RGS6: variants seen among roughly 807,000 people sequenced by gnomAD.
RGS6 encodes regulator of G protein signaling 6.
Under a neutral mutation model 78.5 loss-of-function variants are expected in RGS6, and 30 were observed. That is an observed-to-expected ratio of 0.38 (90% CI 0.29 to 0.52). RGS6 has a LOEUF of 0.52. Among genes scored for constraint, RGS6 ranks in the 20% least tolerant of loss-of-function variants. The pLI, the probability that RGS6 is intolerant of heterozygous loss-of-function variation, is 0.85. For missense variants in RGS6, 495 were observed against 609.7 expected (o/e 0.81, Z 1.98); for synonymous variants, 206 against 206.0 (o/e 1.00, Z 0.00).
intron 2 of RGS6, among the ~76,000 whole-genome samples, chr14:72,324,065 T>C (rs1291468162): frequency 6.6e-6 from 1 of 152,110 alleles, no homozygotes; most frequent in Non-Finnish European, 1.5e-5. Flanking sequence ...TCTCTCGTTA[T>C]TCTAAAATGT....
chr14:72,273,958 A>G (rs1210117172), intron 2 of RGS6, among the ~76,000 whole-genome samples: 1 of 152,210 alleles, frequency 6.6e-6, no homozygotes, highest in African/African-American at 2.4e-5. Context: ...TCAGGTGTGT[A>G]GAGTGATTTA....
At chr14:72,180,755 A>C (rs1201267497) in intron 2 of RGS6, among the ~76,000 whole-genome samples, 3 of 152,294 alleles carry the variant, frequency 2.0e-5, no homozygotes, top group African/African-American at 7.2e-5. Context: ...TGCTGTTATC[A>C]TGGGAATGAG....
intron 15 of RGS6, among the ~76,000 whole-genome samples, chr14:72,529,655 C>CT (rs1388240648): frequency 6.6e-6 from 1 of 151,914 alleles, no homozygotes; most frequent in African/African-American, 2.4e-5. Context: ...CAGACCCCCC[C>CT]CTCCCTGCAA....
intron 13 of RGS6, among the ~76,000 whole-genome samples, chr14:72,503,178 T>G (rs898658972): frequency 2.0e-5 from 3 of 152,086 alleles, no homozygotes; most frequent in Admixed American, 6.5e-5. Context: ...ATAAGGACAC[T>G]AATCCCACTC....
At chr14:71,976,822 C>T (rs1340283934) in intron 2 of RGS6, among the ~76,000 whole-genome samples, 2 of 149,598 alleles carry the variant, frequency 1.3e-5, no homozygotes, top group East Asian at 2.0e-4. Flanking sequence ...TTCTAGATCC[C>T]TGAGGAATCA....
At chr14:72,077,456 C>A (rs1177379047) in intron 2 of RGS6, among the ~76,000 whole-genome samples, 5 of 151,918 alleles carry the variant, frequency 3.3e-5, no homozygotes. Flanking sequence ...ATCTTTCAGT[C>A]CTTTTCTATA....
the RGS6 span, among the ~76,000 whole-genome samples, chr14:71,876,143 T>C: frequency 0.075 from 11,485 of 152,228 alleles, 897 homozygotes; most frequent in East Asian, 0.21. Flanking sequence ...TGGAGAGTTC[T>C]GTAGATGTCT....
At chr14:72,536,888 C>T (rs2097258160) in intron 16 of RGS6, among the ~76,000 whole-genome samples, 1 of 152,170 alleles carries the variant, frequency 6.6e-6, no homozygotes, top group African/African-American at 2.4e-5. Context: ...TCCTCCTCCT[C>T]CTTAGAACTC....
At chr14:72,345,451 A>G (rs1306475939) in intron 2 of RGS6, among the ~76,000 whole-genome samples, 1 of 152,228 alleles carries the variant, frequency 6.6e-6, no homozygotes, top group African/African-American at 2.4e-5. Context: ...TGTCATAGTT[A>G]GCGGGTGGAA....
rs186466324 is a variant in RGS6 at position 72,237,510 on chromosome 14, G to A, written c.85-114585G>A. Among the ~76,000 whole-genome samples, 474 of 152,194 alleles carry A rather than the reference G, an allele frequency of 3.1e-3. 2 individuals carry two copies. Among genetic ancestry groups the A allele is most frequent in the African/African-American group, 0.011 (457 of 41,516 alleles). On this transcript the variant is annotated intron_variant, in intron 2 of 17. Transcript: ENST00000553525. ...CCTCATCTGTTCTCAGATGAGCTTC[G>A]TAACTACCTGCTGAAGAGGCAGAGG...
At chr14:72,296,461 A>T (rs2152371415) in intron 2 of RGS6, among the ~76,000 whole-genome samples, 1 of 152,332 alleles carries the variant, frequency 6.6e-6, no homozygotes, top group South Asian at 2.1e-4. Flanking sequence ...ATATATGAGC[A>T]TTCTGATTGT....
intron 2 of RGS6, among the ~76,000 whole-genome samples, chr14:72,039,484 A>G (rs1205320599): frequency 6.6e-5 from 10 of 152,054 alleles, no homozygotes; most frequent in Non-Finnish European, 1.5e-4. Context: ...CTTAAAATCT[A>G]TTTGTCTAAT....
intron 2 of RGS6, among the ~76,000 whole-genome samples, chr14:72,186,358 C>T (rs1395216738): frequency 1.3e-5 from 2 of 152,232 alleles, no homozygotes; most frequent in Admixed American, 6.5e-5. Flanking sequence ...CACCACCAAG[C>T]ACCTTAACAG....
intron 2 of RGS6, among the ~76,000 whole-genome samples, chr14:72,280,219 T>C (rs1312436690): frequency 6.6e-6 from 1 of 152,106 alleles, no homozygotes; most frequent in Non-Finnish European, 1.5e-5. Flanking sequence ...TGGATAAATT[T>C]GGAACCAGAC....
rs376111851 is a variant in RGS6, at chr14:72,478,282, C to T, written c.807C>T (p.Asn269=). ...EDIRKQITFL[N]AQIDRHCLKM... ...TATTTTCCCAGATAACATTTTTGAA[C>T]GCACAGATCGACAGACATTGTTTGA... The change falls in exon 12 of 18, where the codon AAC becomes AAT. Residue 269 remains asparagine, a synonymous_variant. Transcript: ENST00000553525. The T allele has an allele frequency of 6.9e-5, 112 of 1,612,378 alleles. No individual in the cohort carries two copies. Among genetic ancestry groups the T allele is most frequent in the South Asian group, 3.7e-4 (34 of 90,912 alleles).
intron 13 of RGS6, among the ~76,000 whole-genome samples, chr14:72,499,655 G>C (rs771655285): frequency 4.0e-5 from 6 of 151,898 alleles, no homozygotes; most frequent in Non-Finnish European, 8.8e-5. Context: ...TTTTTTTGGG[G>C]TTTTTTTGTT....
chr14:72,226,967 G>A lies in RGS6; in HGVS notation c.85-125128G>A, dbSNP rs113391632. 7.2e-3 allele frequency among the ~76,000 whole-genome samples: 1,099 copies of A among 152,246 alleles called. 10 individuals are homozygous for A. Among genetic ancestry groups the A allele is most frequent in the African/African-American group, 0.025 (1,044 of 41,538 alleles). ...CTCCCAAAGTGGAGGCATTACAGGCGTGAGCCACTGTACCCATGCATGCTG... is the reference window on the plus strand; with the variant it reads ...CTCCCAAAGTGGAGGCATTACAGGCATGAGCCACTGTACCCATGCATGCTG... On this transcript the variant is annotated intron_variant, in intron 2 of 17. Transcript: ENST00000553525.
intron 2 of RGS6, among the ~76,000 whole-genome samples, chr14:72,127,529 A>C (rs1297865091): frequency 6.6e-6 from 1 of 151,560 alleles, no homozygotes; most frequent in Non-Finnish European, 1.5e-5. Flanking sequence ...TTACTGATTT[A>C]AAAATGTAAA....
At chr14:72,111,038 A>G (rs912560054) in intron 2 of RGS6, among the ~76,000 whole-genome samples, 2 of 152,090 alleles carry the variant, frequency 1.3e-5, no homozygotes, top group African/African-American at 4.8e-5. Flanking sequence ...TTGTTCCTCA[A>G]ATCAAATCTG....
Sources: allele counts gnomAD v4.1 joint callset (sites outside exome capture counted in the v4.1 genomes callset), GRCh38; gene constraint gnomAD v4.1.1; transcripts MANE v1.5; gene names NCBI Gene and HGNC (gene_info 2026-07-23, HGNC 2026-07-21).